Variants in CPNE4 observed in about 807,000 individuals in gnomAD.
CPNE4 encodes the protein copine 4.
In CPNE4, 25 loss-of-function variants were observed where a neutral mutation model predicts 67.9. The observed-to-expected ratio is 0.37, with a 90% CI of 0.27 to 0.51. The LOEUF (loss-of-function observed/expected upper bound fraction) is 0.51. Ranked by LOEUF, CPNE4 falls within the 20% of genes least tolerant of loss-of-function variation. The probability of loss-of-function intolerance (pLI) is 0.93; values close to 1 mark genes in which losing one functional copy is unlikely to be tolerated. For missense variants in CPNE4, 464 were observed against 690.8 expected (o/e 0.67, Z 3.68); for synonymous variants, 242 against 244.9 (o/e 0.99, Z 0.11).
chr3:132,022,933 C>T (rs2074028362), intron 1 of CPNE4, among the ~76,000 whole-genome samples: 1 of 152,164 alleles, frequency 6.6e-6, no homozygotes, highest in Admixed American at 6.5e-5. Context: ...TCATTGATCA[C>T]CGATTGAGAA....
intron 2 of CPNE4, among the ~76,000 whole-genome samples, chr3:131,904,591 C>A (rs796789856): frequency 2.0e-5 from 3 of 152,224 alleles, no homozygotes; most frequent in African/African-American, 7.2e-5. Context: ...GGACTTCAGT[C>A]TTTGTCCCTA....
intron 8 of CPNE4, among the ~76,000 whole-genome samples, chr3:131,584,612 C>T (rs1938055733): frequency 6.6e-6 from 1 of 152,174 alleles, no homozygotes; most frequent in African/African-American, 2.4e-5. Context: ...TAATTATCTA[C>T]ACAGTAGCAA....
intron 13 of CPNE4, among the ~76,000 whole-genome samples, chr3:131,550,308 A>C (rs1315027350): frequency 6.6e-6 from 1 of 152,026 alleles, no homozygotes; most frequent in East Asian, 1.9e-4. Flanking sequence ...ATTTCCACAA[A>C]ATTTTCCCTA....
intron 2 of CPNE4, among the ~76,000 whole-genome samples, chr3:131,869,552 C>T (rs2087107060): frequency 1.3e-5 from 2 of 152,092 alleles, no homozygotes; most frequent in African/African-American, 4.8e-5. Flanking sequence ...GAAAAACCTG[C>T]CAGCCATGTA....
At chr3:131,861,924 T>TAA (rs1321971783) in intron 2 of CPNE4, among the ~76,000 whole-genome samples, 1 of 152,132 alleles carries the variant, frequency 6.6e-6, no homozygotes. Context: ...CCTAGAATAG[T>TAA]AAAAGAGGGA....
chr3:131,681,889 G>C (rs1197651772), intron 6 of CPNE4, among the ~76,000 whole-genome samples: 1 of 151,542 alleles, frequency 6.6e-6, no homozygotes, highest in East Asian at 1.9e-4. Flanking sequence ...TCTTTCTTCT[G>C]CTTGATCAAT....
At chr3:132,025,842 C>T (rs1457721394) in intron 1 of CPNE4, among the ~76,000 whole-genome samples, 2 of 152,202 alleles carry the variant, frequency 1.3e-5, no homozygotes, top group Non-Finnish European at 2.9e-5. Flanking sequence ...TTCACCAATA[C>T]ACAATCTTAC....
intron 2 of CPNE4, among the ~76,000 whole-genome samples, chr3:131,751,578 T>C (rs994324155): frequency 6.6e-6 from 1 of 152,150 alleles, no homozygotes; most frequent in Admixed American, 6.6e-5. Context: ...TGAAGCACTT[T>C]AATTATGGCT....
intron 1 of CPNE4, among the ~76,000 whole-genome samples, chr3:131,963,232 T>A (rs1206675727): frequency 6.6e-6 from 1 of 151,882 alleles, no homozygotes; most frequent in African/African-American, 2.4e-5. Flanking sequence ...TCCCCCATGG[T>A]TTTTACAACC....
intron 2 of CPNE4, among the ~76,000 whole-genome samples, chr3:131,791,909 T>A (rs2048255129): frequency 6.6e-6 from 1 of 152,174 alleles, no homozygotes; most frequent in Non-Finnish European, 1.5e-5. Context: ...CATTTCATTA[T>A]TAAGTCTGGC....
At chr3:131,588,595 G>C (rs1478398617) in intron 7 of CPNE4, among the ~76,000 whole-genome samples, 1 of 152,100 alleles carries the variant, frequency 6.6e-6, no homozygotes, top group Non-Finnish European at 1.5e-5. Context: ...TTGGTAATCT[G>C]TTCCCAGATC....
chr3:132,036,637 G>A (rs2107710651), upstream of CPNE4, among the ~76,000 whole-genome samples: 1 of 152,216 alleles, frequency 6.6e-6, no homozygotes, highest in African/African-American at 2.4e-5. Context: ...GAAGAAGAAG[G>A]AAAAGTCATT....
intron 11 of CPNE4, among the ~76,000 whole-genome samples, chr3:131,559,118 A>T (rs146307015): frequency 2.0e-4 from 30 of 152,144 alleles, no homozygotes; most frequent in Middle Eastern, 6.8e-3. Flanking sequence ...TCCTTTTGCA[A>T]GTCAGGTAGT....
At chr3:131,735,932 G>A (rs868276399) in intron 2 of CPNE4, among the ~76,000 whole-genome samples, 4 of 152,294 alleles carry the variant, frequency 2.6e-5, no homozygotes, top group South Asian at 2.1e-4. Flanking sequence ...AAAATGTTAA[G>A]CTTCTATCTG....
At chr3:132,003,762 C>G (rs1363869344) in intron 1 of CPNE4, among the ~76,000 whole-genome samples, 1 of 152,078 alleles carries the variant, frequency 6.6e-6, no homozygotes. Flanking sequence ...TCTTCTCCAT[C>G]CAAGTTTATT....
chr3:131,801,452 G>GTATATATATA (rs71136416), intron 2 of CPNE4, among the ~76,000 whole-genome samples: 3,974 of 53,142 alleles, frequency 0.075, 330 homozygotes, highest in South Asian at 0.1. Flanking sequence ...GTGTGTGTGT[G>GTATATATATA]TATATATATA....
intron 9 of CPNE4, among the ~76,000 whole-genome samples, chr3:131,578,009 G>A (rs747994489): frequency 3.3e-5 from 5 of 152,008 alleles, no homozygotes; most frequent in Non-Finnish European, 5.9e-5. Context: ...TTGAGTCATC[G>A]TAAATTGGGG....
intron 7 of CPNE4, among the ~76,000 whole-genome samples, chr3:131,645,756 T>C (rs901248960): frequency 6.6e-6 from 1 of 152,172 alleles, no homozygotes; most frequent in Non-Finnish European, 1.5e-5. Context: ...CTTAAAGGGA[T>C]CCAAAGTCCT....
At position 131,905,521 on chromosome 3, in the gene CPNE4, C is replaced by T. The variant is rs909003488; in HGVS notation, c.-1-77G>A. ...TTGTCAAAGGAGAAAGCCTCCCAAT[C>T]ACCCTTCAGAAAATTGTTTGACACA... On this transcript the variant is annotated intron_variant, in intron 1 of 15. Coordinates refer to ENST00000429747, the MANE Select transcript of CPNE4 (RefSeq NM_130808.3). The T allele has an allele frequency of 4.5e-6, 6 of 1,326,398 alleles. No individual in the cohort carries two copies. In the South Asian group the frequency reaches 5.8e-5, roughly 13 times the overall value. The allele number at this position is 1,326,398 out of a possible 1,614,324, so 82.2% of individuals were successfully genotyped here.
Sources: gnomAD v4.1 joint callset for allele counts (sites outside exome capture counted in the v4.1 genomes callset) on GRCh38, gnomAD v4.1.1 for gene constraint, MANE v1.5 for transcripts, NCBI Gene and HGNC (gene_info 2026-07-23, HGNC 2026-07-21) for gene names.